The following GABRG3 variants were observed in gnomAD, a reference collection of about 807,000 sequenced individuals.
GABRG3 encodes the protein gamma-aminobutyric acid type A receptor subunit gamma3.
In GABRG3, 25 loss-of-function variants were observed where a neutral mutation model predicts 48.8. That is an observed-to-expected ratio of 0.51 (90% CI 0.37 to 0.72). The LOEUF is 0.72. Among genes scored for constraint, GABRG3 ranks in the 30% least tolerant of loss-of-function variants. The pLI, the probability that GABRG3 is intolerant of heterozygous loss-of-function variation, is 0.00. For synonymous variants in GABRG3, 227 were observed against 217.6 expected (o/e 1.04, Z -0.38); for missense variants, 394 against 577.9 (o/e 0.68, Z 3.26).
chr15:27,060,554 G>A (rs6606866), intron 3 of GABRG3, among the ~76,000 whole-genome samples: 98,646 of 152,134 alleles, frequency 0.65, 32,433 homozygotes, highest in Non-Finnish European at 0.7. Context: ...TCGTGAGTCC[G>A]TGCCATTCAG....
Position 27,165,217 on chromosome 15 carries a change from C to T in GABRG3, c.270+138396C>T, listed in dbSNP as rs529641784. Among the ~76,000 whole-genome samples, 25 of 152,262 alleles carry T rather than the reference C, an allele frequency of 1.6e-4. No homozygotes were observed. The South Asian group carries it at 5.2e-3, about 32-fold the overall frequency. ...CTGATATGAGGCAGATGGAGTAGGG[C>T]TTCATGCCAGAGTACCTTGTTACTG... is the stretch of plus-strand genomic sequence containing the variant. On this transcript the variant is annotated intron_variant, in intron 3 of 9. Coordinates refer to ENST00000615808, the MANE Select transcript of GABRG3 (RefSeq NM_033223.5).
chr15:27,244,829 A>G (rs1890224581), intron 3 of GABRG3, among the ~76,000 whole-genome samples: 2 of 152,034 alleles, frequency 1.3e-5, no homozygotes, highest in African/African-American at 4.8e-5. Flanking sequence ...TTATTTCCTT[A>G]ATTTTTTTCT....
intron 3 of GABRG3, among the ~76,000 whole-genome samples, chr15:27,050,723 A>T (rs1896442174): frequency 6.6e-6 from 1 of 152,024 alleles, no homozygotes. Context: ...AAACTTTTTA[A>T]ATTTAATTAT....
At chr15:27,247,129 G>C (rs1890294264) in intron 3 of GABRG3, among the ~76,000 whole-genome samples, 1 of 152,218 alleles carries the variant, frequency 6.6e-6, no homozygotes, top group South Asian at 2.1e-4. Context: ...ATGTAGAGAT[G>C]GTATCTCACT....
chr15:27,364,517 A>G (rs1332805480), intron 5 of GABRG3: 1 of 152,240 alleles, frequency 6.6e-6, no homozygotes, highest in Non-Finnish European at 1.5e-5. Context: ...CTGTTCAGAT[A>G]TCATTTGGAA....
rs1177930804 is a variant in GABRG3 at position 27,537,260 on chromosome 15, C to T, written c.*4379C>T. ...AGAACACTATCATTTAACAGATATTCAGAAAGGTTCCGGAAATACGGGGGA... is the reference window on the plus strand; with the variant it reads ...AGAACACTATCATTTAACAGATATTTAGAAAGGTTCCGGAAATACGGGGGA... On this transcript the variant is annotated 3_prime_UTR_variant, in exon 10 of 10. Transcript: ENST00000615808. 6.6e-6 allele frequency: 1 copy of T among 152,000 alleles called. No individual in the cohort carries two copies. Among genetic ancestry groups the T allele is most frequent in the African/African-American group, 2.4e-5 (1 of 41,384 alleles). 9.4% of individuals were successfully genotyped at this position (152,000 alleles called of 1,614,324 possible). A position where few individuals can be genotyped will look rare whatever the true frequency, so the allele number is the denominator to read the frequency against.
At chr15:27,339,917 G>A (rs1389385912) in intron 5 of GABRG3, among the ~76,000 whole-genome samples, 2 of 152,208 alleles carry the variant, frequency 1.3e-5, no homozygotes, top group African/African-American at 2.4e-5. Context: ...TGGAGGCATC[G>A]TGCCCCTTCC....
intron 5 of GABRG3, among the ~76,000 whole-genome samples, chr15:27,434,572 T>C (rs1888551490): frequency 6.6e-6 from 1 of 152,208 alleles, no homozygotes. Context: ...ATCTAATTCA[T>C]GTTGACTACC....
At chr15:27,395,419 C>A (rs1268781753) in intron 5 of GABRG3, among the ~76,000 whole-genome samples, 1 of 152,148 alleles carries the variant, frequency 6.6e-6, no homozygotes, top group Non-Finnish European at 1.5e-5. Flanking sequence ...GGCAGAGAGA[C>A]TATAATATCT....
intron 3 of GABRG3, among the ~76,000 whole-genome samples, chr15:27,031,462 G>C (rs980068283): frequency 6.6e-6 from 1 of 152,114 alleles, no homozygotes; most frequent in Non-Finnish European, 1.5e-5. Context: ...GTTTTAAAAA[G>C]TACTGATACC....
At chr15:27,448,312 G>T (rs1369926080) in intron 5 of GABRG3, among the ~76,000 whole-genome samples, 1 of 152,152 alleles carries the variant, frequency 6.6e-6, no homozygotes, top group Non-Finnish European at 1.5e-5. Context: ...GCACAAATGG[G>T]ATCTGGAATT....
At chr15:27,478,863 C>T (rs769167359) in intron 5 of GABRG3, among the ~76,000 whole-genome samples, 1 of 152,118 alleles carries the variant, frequency 6.6e-6, no homozygotes, top group Non-Finnish European at 1.5e-5. Context: ...GAATTTTGAA[C>T]ACATTATGCT....
At chr15:27,341,204 G>T (rs1894164766) in intron 5 of GABRG3, among the ~76,000 whole-genome samples, 1 of 151,984 alleles carries the variant, frequency 6.6e-6, no homozygotes, top group Non-Finnish European at 1.5e-5. Context: ...TTAATGGTAG[G>T]GTACTTTTTT....
intron 3 of GABRG3, among the ~76,000 whole-genome samples, chr15:27,140,767 A>C (rs1898088969): frequency 6.6e-6 from 1 of 151,998 alleles, no homozygotes; most frequent in South Asian, 2.1e-4. Flanking sequence ...CTTTTTGAGA[A>C]TATTAATTGT....
At chr15:27,438,992 C>T (rs547190008) in intron 5 of GABRG3, among the ~76,000 whole-genome samples, 1 of 152,304 alleles carries the variant, frequency 6.6e-6, no homozygotes, top group South Asian at 2.1e-4. Flanking sequence ...AGAGTGCACA[C>T]AGCATTCGGT....
rs1328573797 is a variant in GABRG3, at chr15:26,974,296, G to A, written c.54-2706G>A. 6.6e-6 allele frequency among the ~76,000 whole-genome samples: 1 copy of A among 152,126 alleles called. No individual in the cohort carries two copies. Among genetic ancestry groups the A allele is most frequent in the Non-Finnish European group, 1.5e-5 (1 of 68,030 alleles). ...AAGGAGGAAGCGCTTGCAATTTCAG[G>A]AAAACCCTCTCATCACCACTAGAGG... On this transcript the variant is annotated intron_variant, in intron 1 of 9. Transcript: ENST00000615808. The surrounding 1 kb of genome is among the most constrained non-coding windows in gnomAD (Gnocchi z 4.3).
rs149941406 is a variant in GABRG3 at position 27,198,989 on chromosome 15, C to T, written c.271-127820C>T. Among the ~76,000 whole-genome samples the T allele has an allele frequency of 2.3e-3, 345 of 151,056 alleles. 1 individual carries two copies. Among genetic ancestry groups the T allele is most frequent in the African/African-American group, 7.7e-3 (317 of 41,070 alleles). ...AGAGGGGAACATCACACACTGGGGC[C>T]TTTTGGGGGTTGGGGGACAAGGGGA... On this transcript the variant is annotated intron_variant, in intron 3 of 9. Coordinates refer to ENST00000615808, the MANE Select transcript of GABRG3 (RefSeq NM_033223.5).
At chr15:27,366,953 A>G (rs554947051) in intron 5 of GABRG3, among the ~76,000 whole-genome samples, 14 of 152,030 alleles carry the variant, frequency 9.2e-5, no homozygotes, top group South Asian at 8.3e-4. Context: ...GCTTCCTACT[A>G]TGGGGGCATC....
intron 5 of GABRG3, among the ~76,000 whole-genome samples, chr15:27,393,133 C>T (rs1419191497): frequency 6.6e-6 from 1 of 152,030 alleles, no homozygotes; most frequent in Non-Finnish European, 1.5e-5. Flanking sequence ...ATCACGAGGT[C>T]AGGAGATTGA....
Sources: gnomAD v4.1 joint callset for allele counts (sites outside exome capture counted in the v4.1 genomes callset) on GRCh38, gnomAD v4.1.1 for gene constraint, Gnocchi (gnomAD v3.1) non-coding constraint, MANE v1.5 for transcripts, NCBI Gene and HGNC (gene_info 2026-07-23, HGNC 2026-07-21) for gene names.